The following PTN variants were observed in gnomAD, a reference collection of about 807,000 sequenced individuals.
PTN encodes the protein heparin affin regulatory protein.
PTN carries 18 observed loss-of-function variants against 24.1 expected under a neutral mutation model. The observed-to-expected ratio is 0.75, with a 90% confidence interval of 0.52 to 1.11. PTN has a LOEUF of 1.11. Among genes scored for constraint, PTN ranks in the 50% least tolerant of loss-of-function variants. The pLI, the probability that PTN is intolerant of heterozygous loss-of-function variation, is 0.00. For missense variants in PTN, 163 were observed against 198.8 expected (o/e 0.82, Z 1.08); for synonymous variants, 78 against 68.6 (o/e 1.14, Z -0.67).
At position 137,324,801 on chromosome 7, in the gene PTN, A is replaced by G. The variant is rs1300739191; in HGVS notation, c.-2+18638T>C. The stretch of plus-strand genomic sequence containing the variant: ...CTCCTTCTCATCCATGGAAAGGGTA[A>G]TAATACTAAAATGGATCTCACAGAA... On this transcript the variant is annotated intron_variant, in intron 1 of 4. Coordinates refer to ENST00000348225, the MANE Select transcript of PTN (RefSeq NM_002825.7). 7 of 152,262 alleles carry G rather than the reference A, an allele frequency of 4.6e-5. No individual in the cohort carries two copies. The South Asian group carries it at 1.4e-3, about 31-fold the overall frequency. The allele number at this position is 152,262 out of a possible 1,614,324, so 9.4% of individuals were successfully genotyped here.
intron 4 of PTN, among the ~76,000 whole-genome samples, chr7:137,230,909 G>A (rs1808416317): frequency 6.6e-6 from 1 of 151,732 alleles, no homozygotes; most frequent in Non-Finnish European, 1.5e-5. Flanking sequence ...CTCTTTGTCT[G>A]TTTTTCTCTC....
chr7:137,256,705 G>T (rs1005734884), intron 1 of PTN, among the ~76,000 whole-genome samples: 1 of 152,104 alleles, frequency 6.6e-6, no homozygotes, highest in Non-Finnish European at 1.5e-5. Flanking sequence ...GGATCAAATG[G>T]TATTTCTGGT....
At chr7:137,290,602 T>G (rs1244532240) in intron 1 of PTN, among the ~76,000 whole-genome samples, 1 of 152,102 alleles carries the variant, frequency 6.6e-6, no homozygotes, top group Non-Finnish European at 1.5e-5. Context: ...ACCTGGACCT[T>G]ATTATAACCA....
chr7:137,279,644 T>C (rs1809432980), intron 1 of PTN, among the ~76,000 whole-genome samples: 1 of 152,082 alleles, frequency 6.6e-6, no homozygotes, highest in South Asian at 2.1e-4. Context: ...AAATAAACTA[T>C]AGAGATAGAA....
chr7:137,253,317 G>T, intron 3 of PTN, 147 bp downstream of exon 3: 1 of 771,216 alleles, frequency 1.3e-6, no homozygotes, highest in Non-Finnish European at 1.9e-6. Flanking sequence ...TAATTGCCTG[G>T]CCTGAAATGG....
chr7:137,289,675 G>C (rs1397499719), intron 1 of PTN, among the ~76,000 whole-genome samples: 1 of 152,106 alleles, frequency 6.6e-6, no homozygotes, highest in Non-Finnish European at 1.5e-5. Flanking sequence ...GTCTCTATGA[G>C]CTAAGTGGCC....
At chr7:137,338,531 A>C (rs1308965894) in intron 1 of PTN, among the ~76,000 whole-genome samples, 2 of 152,212 alleles carry the variant, frequency 1.3e-5, no homozygotes, top group Non-Finnish European at 2.9e-5. Context: ...CCTTTTTCTC[A>C]TAAAAATGTG....
chr7:137,319,833 G>A (rs565013989), intron 1 of PTN, among the ~76,000 whole-genome samples: 19 of 152,258 alleles, frequency 1.2e-4, no homozygotes, highest in Admixed American at 3.9e-4. Flanking sequence ...GGTCTTGTAC[G>A]TTTAGGATAG....
chr7:137,267,238 GTC>G (rs909263476), intron 1 of PTN, among the ~76,000 whole-genome samples: 27 of 151,210 alleles, frequency 1.8e-4, no homozygotes, highest in Non-Finnish European at 3.8e-4. Flanking sequence ...ATCTTTCTCT[GTC>G]TCTCTCTCTT....
intron 1 of PTN, among the ~76,000 whole-genome samples, chr7:137,321,141 G>C (rs1270820183): frequency 6.6e-6 from 1 of 152,094 alleles, no homozygotes; most frequent in Non-Finnish European, 1.5e-5. Flanking sequence ...TGCTGCAGGT[G>C]GTACTGAATT....
intron 1 of PTN, among the ~76,000 whole-genome samples, chr7:137,296,401 G>T (rs1309576154): frequency 6.6e-6 from 1 of 151,964 alleles, no homozygotes; most frequent in East Asian, 1.9e-4. Flanking sequence ...TAAATAGAAA[G>T]GTTGACAAAG....
intron 4 of PTN, among the ~76,000 whole-genome samples, chr7:137,229,381 G>C (rs1028210209): frequency 1.3e-5 from 2 of 151,742 alleles, no homozygotes; most frequent in African/African-American, 4.8e-5. Flanking sequence ...TACAGCCTGT[G>C]TCCAAGAGGA....
chr7:137,279,716 C>T (rs1283293795), intron 1 of PTN, among the ~76,000 whole-genome samples: 3 of 152,016 alleles, frequency 2.0e-5, no homozygotes, highest in African/African-American at 4.8e-5. Flanking sequence ...TTTAGTGACG[C>T]TATATTTTAA....
At chr7:137,293,253 A>G (rs139832470) in intron 1 of PTN, among the ~76,000 whole-genome samples, 2 of 152,254 alleles carry the variant, frequency 1.3e-5, no homozygotes, top group African/African-American at 4.8e-5. Context: ...GAAAAGGTAG[A>G]ATCCATAAAT....
intron 1 of PTN, among the ~76,000 whole-genome samples, chr7:137,329,647 A>G (rs772767229): frequency 2.0e-5 from 3 of 152,230 alleles, no homozygotes; most frequent in Non-Finnish European, 4.4e-5. Context: ...GCCAGTTAAT[A>G]TTAATTCTTG....
chr7:137,229,498 A>G (rs746380951), intron 4 of PTN, among the ~76,000 whole-genome samples: 14 of 151,894 alleles, frequency 9.2e-5, no homozygotes, highest in East Asian at 2.0e-4. Context: ...ATTTCTATAT[A>G]CTATCTTCAT....
intron 1 of PTN, among the ~76,000 whole-genome samples, chr7:137,302,651 G>A (rs1466904114): frequency 1.3e-5 from 2 of 151,934 alleles, no homozygotes; most frequent in African/African-American, 4.8e-5. Flanking sequence ...GTCCAATATT[G>A]TTAGTGCTGT....
intron 1 of PTN, among the ~76,000 whole-genome samples, chr7:137,256,185 AATTT>A (rs1398106200): frequency 1.3e-4 from 20 of 151,610 alleles, no homozygotes; most frequent in African/African-American, 4.1e-4. Context: ...TGTTTTTTTA[AATTT>A]ATTTATTTTT....
chr7:137,321,108 T>C (rs1810155145), intron 1 of PTN, among the ~76,000 whole-genome samples: 1 of 152,178 alleles, frequency 6.6e-6, no homozygotes, highest in African/African-American at 2.4e-5. Context: ...AGGGCTCCCT[T>C]GCTATTGCCA....
Sources: gnomAD v4.1 joint callset for allele counts (sites outside exome capture counted in the v4.1 genomes callset) on GRCh38, gnomAD v4.1.1 for gene constraint, MANE v1.5 for transcripts, NCBI Gene and HGNC (gene_info 2026-07-23, HGNC 2026-07-21) for gene names.